The following TNIK variants were observed in gnomAD, a reference collection of about 807,000 sequenced individuals.
TNIK encodes the protein TRAF2 and NCK-interacting protein kinase.
TNIK carries 49 observed loss-of-function variants against 191.3 expected under a neutral mutation model. The observed-to-expected ratio is 0.26, with a 90% confidence interval of 0.20 to 0.32. TNIK has a LOEUF of 0.32. Ranked by LOEUF, TNIK falls within the 10% of genes least tolerant of loss-of-function variation. TNIK has a pLI of 1.00. For missense variants in TNIK, 1,155 were observed against 1,702.3 expected (o/e 0.68, Z 5.66); for synonymous variants, 594 against 600.9 (o/e 0.99, Z 0.17).
chr3:171,429,468 T>C lies in TNIK; in HGVS notation c.57+30539A>G, dbSNP rs369577178. Among the ~76,000 whole-genome samples, 183 of 152,356 alleles carry C rather than the reference T, an allele frequency of 1.2e-3. 1 individual carries two copies. The highest frequency in any genetic ancestry group is 4.3e-3 in the African/African-American group (177 of 41,586). On this transcript the variant is annotated intron_variant, in intron 1 of 32. Coordinates refer to ENST00000436636, the MANE Select transcript of TNIK (RefSeq NM_015028.4). The stretch of plus-strand genomic sequence containing the variant: ...GCTAGGGCCTGATTTTGGCTATTTC[T>C]ATTTTCCTTTTAAATATGTTTTCTA...
chr3:171,145,188 G>T (rs1325235465), intron 12 of TNIK, among the ~76,000 whole-genome samples: 1 of 151,114 alleles, frequency 6.6e-6, no homozygotes, highest in African/African-American at 2.4e-5. Context: ...CCGGGTTCAC[G>T]CCATTCTCCT....
intron 1 of TNIK, among the ~76,000 whole-genome samples, chr3:171,421,724 ATTTTTT>A (rs67895255): frequency 9.9e-5 from 9 of 91,356 alleles, no homozygotes; most frequent in South Asian, 3.5e-4. Context: ...TAGTTGTGTA[ATTTTTT>A]TTTTTTTTTT....
At chr3:171,304,089 T>G (rs954909087) in intron 2 of TNIK, among the ~76,000 whole-genome samples, 6 of 151,562 alleles carry the variant, frequency 4.0e-5, no homozygotes, top group Non-Finnish European at 8.8e-5. Context: ...GTGAGAGGAA[T>G]TATGTAAAAA....
chr3:171,263,200 T>C (rs1747870610), intron 2 of TNIK, among the ~76,000 whole-genome samples: 1 of 152,196 alleles, frequency 6.6e-6, no homozygotes, highest in Non-Finnish European at 1.5e-5. Flanking sequence ...AGGCACCTTT[T>C]AGTGCTATTT....
At chr3:171,079,939 G>A (rs1720452550) in intron 27 of TNIK, among the ~76,000 whole-genome samples, 1 of 152,208 alleles carries the variant, frequency 6.6e-6, no homozygotes, top group African/African-American at 2.4e-5. Flanking sequence ...CCAATGCAAA[G>A]CAGTGTCTGC....
chr3:171,069,571 T>G (rs577351355), intron 29 of TNIK, among the ~76,000 whole-genome samples: 28 of 152,110 alleles, frequency 1.8e-4, no homozygotes, highest in Non-Finnish European at 4.0e-4. Flanking sequence ...GAGAAAGAGG[T>G]GGGAGTGGAA....
chr3:171,347,084 G>A, intron 2 of TNIK: 3 of 1,486,000 alleles, frequency 2.0e-6, no homozygotes, highest in Non-Finnish European at 2.7e-6. Context: ...ACAGAAAACA[G>A]AAGAGAGAAA....
chr3:171,080,298 C>G (rs1576752683), intron 27 of TNIK, among the ~76,000 whole-genome samples: 1 of 152,134 alleles, frequency 6.6e-6, no homozygotes. Flanking sequence ...TTGATATACT[C>G]CATTTGATGA....
chr3:171,447,003 C>T (rs1727586994), intron 1 of TNIK, among the ~76,000 whole-genome samples: 1 of 152,160 alleles, frequency 6.6e-6, no homozygotes, highest in African/African-American at 2.4e-5. Context: ...CCAGCCTGGC[C>T]AACACAGTTA....
At chr3:171,403,627 A>AG (rs1260390652) in intron 1 of TNIK, among the ~76,000 whole-genome samples, 19 of 143,380 alleles carry the variant, frequency 1.3e-4, no homozygotes, top group African/African-American at 3.9e-4. Flanking sequence ...AAAAAAAAAA[A>AG]AAAAAAGAAA....
intron 2 of TNIK, among the ~76,000 whole-genome samples, chr3:171,330,022 A>G (rs746603962): frequency 1.6e-4 from 25 of 152,240 alleles, no homozygotes; most frequent in Admixed American, 2.6e-4. Context: ...GCGGTTTTTA[A>G]TTCTACTCAA....
At chr3:171,386,261 A>G (rs1278552348) in intron 1 of TNIK, among the ~76,000 whole-genome samples, 1 of 152,244 alleles carries the variant, frequency 6.6e-6, no homozygotes, top group Non-Finnish European at 1.5e-5. Context: ...ACATCATTAA[A>G]TATACCTTCC....
chr3:171,411,009 C>T (rs890559126), intron 1 of TNIK, among the ~76,000 whole-genome samples: 1 of 151,978 alleles, frequency 6.6e-6, no homozygotes, highest in East Asian at 1.9e-4. Context: ...CAGAATGAGC[C>T]CCAGTGGATC....
At chr3:171,215,661 G>C (rs1405276155) in intron 3 of TNIK, among the ~76,000 whole-genome samples, 2 of 152,146 alleles carry the variant, frequency 1.3e-5, no homozygotes, top group Non-Finnish European at 2.9e-5. Flanking sequence ...CCTGACTTTG[G>C]TCTTCCAATT....
At chr3:171,407,902 T>A (rs568771988) in intron 1 of TNIK, among the ~76,000 whole-genome samples, 2 of 152,298 alleles carry the variant, frequency 1.3e-5, no homozygotes, top group African/African-American at 4.8e-5. Context: ...CTGCTTCCCG[T>A]CTTCAATCCC....
chr3:171,255,136 T>G (rs1226236547), intron 2 of TNIK, among the ~76,000 whole-genome samples: 2 of 135,798 alleles, frequency 1.5e-5, no homozygotes, highest in African/African-American at 5.8e-5. Context: ...ACTTTGAGGT[T>G]GCAATATGTT....
At chr3:171,390,892 G>C (rs770267190) in intron 1 of TNIK, among the ~76,000 whole-genome samples, 3 of 152,190 alleles carry the variant, frequency 2.0e-5, no homozygotes, top group Non-Finnish European at 4.4e-5. Context: ...GTGCATGTGT[G>C]ATTTATAGGA....
At chr3:171,139,901 G>C (rs539204274) in intron 13 of TNIK, among the ~76,000 whole-genome samples, 1 of 152,174 alleles carries the variant, frequency 6.6e-6, no homozygotes, top group Non-Finnish European at 1.5e-5. Context: ...AAGTTCAGAG[G>C]CTCCTGTGCA....
intron 27 of TNIK, 25 bp downstream of exon 27, chr3:171,082,226 G>T (rs1197870166): frequency 1.9e-6 from 3 of 1,607,374 alleles, no homozygotes; most frequent in Non-Finnish European, 2.5e-6. Flanking sequence ...ATGGACCTGG[G>T]GGACTCATCA....
Sources: allele counts gnomAD v4.1 joint callset (sites outside exome capture counted in the v4.1 genomes callset), GRCh38; gene constraint gnomAD v4.1.1; transcripts MANE v1.5; gene names NCBI Gene and HGNC (gene_info 2026-07-23, HGNC 2026-07-21).